Variants in RAB11FIP5 observed in about 807,000 individuals in gnomAD.
RAB11FIP5 encodes the protein RAB11 family interacting protein 5, also known as rab11 family-interacting protein 5.
RAB11FIP5 carries 48 observed loss-of-function variants against 85.1 expected under a neutral mutation model. That is an observed-to-expected ratio of 0.56 (90% CI 0.45 to 0.72). RAB11FIP5 has a LOEUF of 0.72. Ranked by LOEUF, RAB11FIP5 falls within the 30% of genes least tolerant of loss-of-function variation. The probability of loss-of-function intolerance (pLI) is 0.00; values close to 1 mark genes in which losing one functional copy is unlikely to be tolerated. For synonymous variants in RAB11FIP5, 729 were observed against 727.3 expected (o/e 1.00, Z -0.04); for missense variants, 1,491 against 1,687.0 (o/e 0.88, Z 2.04).
Position 73,089,168 on chromosome 2 carries a change from G to T in RAB11FIP5, c.579C>A (p.Ile193=). ...TCTTCTTGCCCTTCATCTTGTCCCT[G>T]ATCTTGCTGAAGGGAGACCTTGGCT... ...KDKPRSPFSK[I]RDKMKGKKKY... is the part of the protein sequence containing the mutation. Residue 193 remains isoleucine (I), a synonymous_variant, in exon 2 of 6, where the codon ATC becomes ATA. Transcript: ENST00000486777. The surrounding 1 kb of genome is among the most constrained non-coding windows in gnomAD (Gnocchi z 4.6). 6.2e-7 allele frequency: 1 copy of T among 1,614,208 alleles called. No homozygotes were observed. Among genetic ancestry groups the T allele is most frequent in the Non-Finnish European group, 8.5e-7 (1 of 1,180,030 alleles).
chr2:73,105,240 CT>C (rs1005396339), intron 1 of RAB11FIP5, among the ~76,000 whole-genome samples: 5 of 152,028 alleles, frequency 3.3e-5, no homozygotes, highest in Non-Finnish European at 7.4e-5. Context: ...CACTCCACTC[CT>C]TTTTTTATTT....
At chr2:73,096,372 C>T (rs998750978) in intron 1 of RAB11FIP5, among the ~76,000 whole-genome samples, 1 of 152,172 alleles carries the variant, frequency 6.6e-6, no homozygotes. Context: ...GTCACACATA[C>T]CCATGCAAGT....
Position 73,088,174 on chromosome 2 carries a change from A to C in RAB11FIP5, c.1444T>G (p.Ser482Ala), listed in dbSNP as rs1233425173. Residue 482 changes from serine to alanine, a missense_variant, in exon 3 of 6, where the codon TCT (serine) becomes GCT (alanine). Transcript: ENST00000486777. Reference sequence around the variant, plus strand: ...ATGGGACCCCCCTTTTCCCCCAGAGAGCTTCGGCGACCCAACTCGCTCCGA... The same window carrying C: ...ATGGGACCCCCCTTTTCCCCCAGAGCGCTTCGGCGACCCAACTCGCTCCGA... Reference protein sequence around the residue: ...LSRSELGRRSSLGEKGGPILG... With the variant: ...LSRSELGRRSALGEKGGPILG... 3.1e-6 allele frequency: 5 copies of C among 1,613,538 alleles called. No individual in the cohort carries two copies. The highest frequency in any genetic ancestry group is 4.2e-6 in the Non-Finnish European group (5 of 1,179,966).
Position 73,112,713 on chromosome 2 carries a change from T to A in RAB11FIP5, c.65A>T (p.Gln22Leu). The A allele has an allele frequency of 6.5e-7, 1 of 1,547,184 alleles. No homozygotes were observed. The highest frequency in any genetic ancestry group is 8.7e-7 in the Non-Finnish European group (1 of 1,148,244). Residue 22 changes from glutamine (Q) to leucine (L), a missense_variant, in exon 1 of 6, where the codon CAG becomes CTG. Gln to Leu is a moderately radical substitution (Grantham distance 113). Transcript: ENST00000486777. Reference protein sequence around the residue: ...GPSRWLPTHVQVTVLRARGLR... With the variant: ...GPSRWLPTHVLVTVLRARGLR... ...CCCGCGGGCCCGCAGCACCGTCACC[T>A]GGACGTGCGTGGGCAGCCAGCGGGA...
intron 1 of RAB11FIP5, among the ~76,000 whole-genome samples, chr2:73,102,365 T>C (rs1684445946): frequency 1.3e-5 from 2 of 152,192 alleles, no homozygotes; most frequent in Admixed American, 6.5e-5. Flanking sequence ...GTAGTTCCCA[T>C]GGCCAGGCTG....
chr2:73,089,882 T>TACAC lies in RAB11FIP5; in HGVS notation c.432-571_432-568dup, dbSNP rs58907775. ...GCTAGTGCATACACTCATGTATGTATACACACACACACACACACACACACA... is the reference window on the plus strand; with the variant it reads ...GCTAGTGCATACACTCATGTATGTATACACACACACACACACACACACACACACA... On this transcript the variant is annotated intron_variant, in intron 1 of 5. Transcript: ENST00000486777. This position sits in a 1 kb window ranked among gnomAD's most constrained non-coding sequence, Gnocchi z 4.6. Among the ~76,000 whole-genome samples, 1,511 of 148,206 alleles carry TACAC rather than the reference T, an allele frequency of 0.01. 29 individuals are homozygous for TACAC. The highest frequency in any genetic ancestry group is 0.015 in the African/African-American group (619 of 40,248).
chr2:73,089,101 C>T lies in RAB11FIP5; in HGVS notation c.646G>A (p.Ala216Thr), dbSNP rs912737985. Reference protein sequence around the residue: ...ESASAILPSSAIEDPDLGSLG... With the variant: ...ESASAILPSSTIEDPDLGSLG... Reference sequence around the variant, plus strand: ...CTGCCCAGGTCAGGATCCTCTATGGCGCTGCTTGGGAGGATGGCAGAGGCA... The same window carrying T: ...CTGCCCAGGTCAGGATCCTCTATGGTGCTGCTTGGGAGGATGGCAGAGGCA... The change falls in exon 2 of 6, where the codon GCC becomes ACC. Residue 216 changes from alanine (A) to threonine (T), a missense_variant. Ala to Thr is a moderately conservative substitution (Grantham distance 58). Around this residue, in one of 3 missense-constraint regions of RAB11FIP5, gnomAD observed 1,211 missense variants for 1,338.0 expected, o/e 0.91. Coordinates refer to ENST00000486777, the MANE Select transcript of RAB11FIP5 (RefSeq NM_001371272.1). This position sits in a 1 kb window ranked among gnomAD's most constrained non-coding sequence, Gnocchi z 4.6. 7.4e-6 allele frequency: 12 copies of T among 1,614,082 alleles called. No homozygotes were observed. Among genetic ancestry groups the T allele is most frequent in the African/African-American group, 4.0e-5 (3 of 74,928 alleles).
In RAB11FIP5 at chr2:73,112,858, C is replaced by T. The variant is rs1684698716; in HGVS notation, c.-81G>A. The T allele has an allele frequency of 1.6e-6, 2 of 1,273,334 alleles. No individual in the cohort carries two copies. The highest frequency in any genetic ancestry group is 2.0e-6 in the Non-Finnish European group (2 of 995,502). The allele number at this position is 1,273,334 out of a possible 1,614,324, so 78.9% of individuals were successfully genotyped here. ...TGACAAACCCGGCCGCGGCAGAAGGCGGTCAGGAACCAACTCTGAGCGCCG... is the reference window on the plus strand; with the variant it reads ...TGACAAACCCGGCCGCGGCAGAAGGTGGTCAGGAACCAACTCTGAGCGCCG... On this transcript the variant is annotated 5_prime_UTR_variant, in exon 1 of 6. Coordinates refer to ENST00000486777, the MANE Select transcript of RAB11FIP5 (RefSeq NM_001371272.1).
At position 73,088,075 on chromosome 2, in the gene RAB11FIP5, C is replaced by T. The variant is rs1266803842; in HGVS notation, c.1543G>A (p.Ala515Thr). The change falls in exon 3 of 6, where the codon GCC becomes ACC. Residue 515 changes from alanine to threonine, a missense_variant. Physicochemically the swap from Ala to Thr is moderately conservative, Grantham distance 58. Around this residue, in one of 3 missense-constraint regions of RAB11FIP5, gnomAD observed 1,211 missense variants for 1,338.0 expected, o/e 0.91. Transcript: ENST00000486777. ...CTGGGTTTCTGAGTCGGGTCCTTGG[C>T]TTCTCTCAAGCCAAACCAGCTACTC... Reference protein sequence around the residue: ...AKSSWFGLREAKDPTQKPSLD... With the variant: ...AKSSWFGLRETKDPTQKPSLD... The T allele has an allele frequency of 1.2e-6, 2 of 1,604,560 alleles. No individual in the cohort carries two copies. The highest frequency in any genetic ancestry group is 2.2e-5 in the South Asian group (2 of 90,076).
At chr2:73,092,516 G>C (rs1684237598) in intron 1 of RAB11FIP5, among the ~76,000 whole-genome samples, 1 of 152,194 alleles carries the variant, frequency 6.6e-6, no homozygotes, top group African/African-American at 2.4e-5. Context: ...TCTCATCTCA[G>C]CTTCCTGAGC....
At chr2:73,105,690 C>A (rs182648244) in intron 1 of RAB11FIP5, among the ~76,000 whole-genome samples, 1 of 152,090 alleles carries the variant, frequency 6.6e-6, no homozygotes. Flanking sequence ...CCAGGAGAAG[C>A]AGGTCATGCC....
rs367543390 is a variant in RAB11FIP5, at chr2:73,109,044, C to CA, written c.431+3302dup. On this transcript the variant is annotated intron_variant, in intron 1 of 5. Coordinates refer to ENST00000486777, the MANE Select transcript of RAB11FIP5 (RefSeq NM_001371272.1). ...TGGGCAACAGAGTGAGACACTGTCT[C>CA]AAAAAAGAAAAAAAAAAGGATGTTG... 1.0e-3 allele frequency among the ~76,000 whole-genome samples: 149 copies of CA among 147,166 alleles called. 3 individuals are homozygous for CA. The East Asian group carries it at 0.026, about 25-fold the overall frequency.
In RAB11FIP5 at chr2:73,075,430, G is replaced by A. The variant is rs1354319834; in HGVS notation, c.*91C>T. 8 of 1,282,604 alleles carry A rather than the reference G, an allele frequency of 6.2e-6. No individual in the cohort carries two copies. Among genetic ancestry groups the A allele is most frequent in the Admixed American group, 5.0e-5 (3 of 59,460 alleles). 79.5% of individuals were successfully genotyped at this position (1,282,604 alleles called of 1,614,324 possible). A position where few individuals can be genotyped will look rare whatever the true frequency, so the allele number is the denominator to read the frequency against. ...CAAGGAGTGACAAGGCAAGACAGAC[G>A]ATGCCCCACTGCAGATGAGAGAGTT... On this transcript the variant is annotated 3_prime_UTR_variant, in exon 6 of 6. Coordinates refer to ENST00000486777, the MANE Select transcript of RAB11FIP5 (RefSeq NM_001371272.1). This position sits in a 1 kb window ranked among gnomAD's most constrained non-coding sequence, Gnocchi z 4.6.
At chr2:73,097,013 A>G (rs1169162845) in intron 1 of RAB11FIP5, among the ~76,000 whole-genome samples, 1 of 151,588 alleles carries the variant, frequency 6.6e-6, no homozygotes, top group Non-Finnish European at 1.5e-5. Context: ...GAGTACCCCA[A>G]CTGCAACCAC....
At chr2:73,093,731 T>C (rs1173517308) in intron 1 of RAB11FIP5, among the ~76,000 whole-genome samples, 1 of 152,204 alleles carries the variant, frequency 6.6e-6, no homozygotes, top group Non-Finnish European at 1.5e-5. Context: ...TCTCACTCTC[T>C]CCCACGACCG....
rs1415696542 is a variant in RAB11FIP5 at position 73,088,120 on chromosome 2, T to C, written c.1498A>G (p.Ser500Gly). ...ILGASPHHSS[S>G]GEEKAKSSWF... ...CTACTCTTGGCCTTTTCCTCCCCACTGGATGAGTGATGTGGGGAGGCCCCC... is the reference window on the plus strand; with the variant it reads ...CTACTCTTGGCCTTTTCCTCCCCACCGGATGAGTGATGTGGGGAGGCCCCC... Residue 500 changes from serine (S) to glycine (G), a missense_variant, in exon 3 of 6, where the codon AGT becomes GGT. Ser to Gly is a moderately conservative substitution (Grantham distance 56). Transcript: ENST00000486777. The C allele has an allele frequency of 1.2e-6, 2 of 1,613,838 alleles. No individual in the cohort carries two copies. Among genetic ancestry groups the C allele is most frequent in the East Asian group, 2.2e-5 (1 of 44,880 alleles).
chr2:73,081,158 T>C lies in RAB11FIP5; in HGVS notation c.2074A>G (p.Lys692Glu). The C allele has an allele frequency of 8.1e-7, 1 of 1,232,892 alleles. No homozygotes were observed. The allele number at this position is 1,232,892 out of a possible 1,614,324, so 76.4% of individuals were successfully genotyped here. ...GGCTCTCCCTGGGGCTCAGCTGCCT[T>C]CGCAGTCATGGCCCCAGGGCCTGGG... ...QDPGPGAMTA[K>E]AAEPQGEPGG... The change falls in exon 4 of 6, where the codon AAG becomes GAG. Residue 692 changes from lysine to glutamate, a missense_variant. By Grantham distance (56) the Lys-to-Glu change is moderately conservative. Transcript: ENST00000486777. The surrounding 1 kb of genome is among the most constrained non-coding windows in gnomAD (Gnocchi z 4.2).
chr2:73,110,302 G>A (rs1684611544), intron 1 of RAB11FIP5, among the ~76,000 whole-genome samples: 2 of 152,162 alleles, frequency 1.3e-5, no homozygotes. Flanking sequence ...CCCACACCAG[G>A]GTGCTCCAGG....
chr2:73,099,051 CTTTT>C (rs1036385402), intron 1 of RAB11FIP5, among the ~76,000 whole-genome samples: 1 of 105,852 alleles, frequency 9.4e-6, no homozygotes, highest in Admixed American at 1.1e-4. Flanking sequence ...TTTCTTTTTT[CTTTT>C]TTTTTTTTTT....
Sources: allele counts gnomAD v4.1 joint callset (sites outside exome capture counted in the v4.1 genomes callset), GRCh38; gene constraint gnomAD v4.1.1; regional missense constraint gnomAD v4.1.1; non-coding constraint Gnocchi (gnomAD v3.1); transcripts MANE v1.5; gene names NCBI Gene and HGNC (gene_info 2026-07-23, HGNC 2026-07-21).